The following MAGI1 variants were observed in gnomAD, a reference collection of about 807,000 sequenced individuals.
The protein encoded by MAGI1 is membrane-associated guanylate kinase, WW and PDZ domain-containing protein 1.
Under a neutral mutation model 139.9 loss-of-function variants are expected in MAGI1, and 58 were observed. The ratio of observed to expected loss-of-function variants is 0.41; its 90% CI spans 0.34 to 0.52. The LOEUF (loss-of-function observed/expected upper bound fraction) is 0.52, where lower values mean the gene tolerates loss of function less well. Among genes scored for constraint, MAGI1 ranks in the 20% least tolerant of loss-of-function variants. The pLI is 0.12. For missense variants in MAGI1, 1,874 were observed against 1,901.6 expected, an observed-to-expected ratio of 0.99 and a Z score of 0.27; for synonymous variants, 812 against 737.9, an observed-to-expected ratio of 1.10 and a Z score of -1.63.
At chr3:65,670,632 A>G (rs1321175130) in intron 1 of MAGI1, among the ~76,000 whole-genome samples, 1 of 152,158 alleles carries the variant, frequency 6.6e-6, no homozygotes, top group East Asian at 1.9e-4. Flanking sequence ...TTGCAAAGCT[A>G]ATGAACCACA....
intron 1 of MAGI1, among the ~76,000 whole-genome samples, chr3:66,018,740 T>C (rs2067805313): frequency 6.6e-6 from 1 of 152,222 alleles, no homozygotes; most frequent in African/African-American, 2.4e-5. Context: ...ACCTGAGCTC[T>C]GACTCTCACC....
chr3:65,549,549 G>A lies in MAGI1; in HGVS notation c.431-55918C>T. 5.6e-6 allele frequency: 5 copies of A among 899,152 alleles called. No individual in the cohort carries two copies. In the South Asian group the frequency reaches 2.5e-4, roughly 46 times the overall value. 55.7% of individuals were successfully genotyped at this position (899,152 alleles called of 1,614,324 possible). On this transcript the variant is annotated intron_variant, in intron 2 of 22. Coordinates refer to ENST00000402939, the MANE Select transcript of MAGI1 (RefSeq NM_001033057.2). ...CTTTTATGGGGCTCGCAGGCAGTAG[G>A]CTCGGCCAGGGTGTCCCCAGCCCGC...
chr3:65,527,907 AG>A (rs903984999), intron 2 of MAGI1, among the ~76,000 whole-genome samples: 1 of 149,546 alleles, frequency 6.7e-6, no homozygotes, highest in Non-Finnish European at 1.5e-5. Context: ...ACTCCATCTC[AG>A]GAAAAAAAAA....
At chr3:65,732,956 G>A (rs568303336) in intron 1 of MAGI1, among the ~76,000 whole-genome samples, 2 of 152,222 alleles carry the variant, frequency 1.3e-5, no homozygotes, top group Non-Finnish European at 2.9e-5. Flanking sequence ...GGAATCTCCT[G>A]CCCCATTAAT....
At chr3:65,755,698 T>C (rs1049498584) in intron 1 of MAGI1, among the ~76,000 whole-genome samples, 10 of 152,194 alleles carry the variant, frequency 6.6e-5, no homozygotes, top group African/African-American at 1.9e-4. Context: ...TATTTTCTCA[T>C]GTGAATAATG....
intron 2 of MAGI1, among the ~76,000 whole-genome samples, chr3:65,620,627 C>T (rs539145797): frequency 1.1e-4 from 17 of 152,184 alleles, no homozygotes; most frequent in Admixed American, 4.6e-4. Context: ...GAAATTACTA[C>T]GAGGTTATTA....
chr3:65,470,506 TGAGAGA>T, intron 4 of MAGI1, 22 bp from the exon 5 acceptor site: 4 of 1,351,546 alleles, frequency 3.0e-6, no homozygotes, highest in Admixed American at 2.1e-5. Context: ...TGTGAAGAGG[TGAGAGA>T]GAGAGAGAGA....
At chr3:65,484,067 G>A (rs1276209170) in intron 3 of MAGI1, among the ~76,000 whole-genome samples, 1 of 152,136 alleles carries the variant, frequency 6.6e-6, no homozygotes, top group Non-Finnish European at 1.5e-5. Context: ...AAATTGGACT[G>A]AAACACGATC....
intron 1 of MAGI1, among the ~76,000 whole-genome samples, chr3:65,950,074 A>AAAC (rs2063741490): frequency 1.6e-5 from 1 of 63,926 alleles, no homozygotes; most frequent in Non-Finnish European, 4.3e-5. Flanking sequence ...AAACAAAAAA[A>AAAC]AAACAAAAAA....
At chr3:65,593,617 T>C (rs58006558) in intron 2 of MAGI1, among the ~76,000 whole-genome samples, 3,159 of 152,324 alleles carry the variant, frequency 0.021, 81 homozygotes, top group African/African-American at 0.067. Context: ...TGTACTTTTT[T>C]GCATTGCTTT....
At chr3:65,902,399 G>A (rs1287363841) in intron 1 of MAGI1, among the ~76,000 whole-genome samples, 2 of 152,138 alleles carry the variant, frequency 1.3e-5, no homozygotes, top group South Asian at 2.1e-4. Context: ...AGTAAAATTC[G>A]CAGCAATTCA....
intron 1 of MAGI1, among the ~76,000 whole-genome samples, chr3:65,787,117 C>T (rs1242597916): frequency 6.6e-6 from 1 of 152,094 alleles, no homozygotes; most frequent in East Asian, 1.9e-4. Context: ...AAAACTGCCC[C>T]TATTTCCTCC....
At chr3:65,982,318 C>T (rs2065626027) in intron 1 of MAGI1, among the ~76,000 whole-genome samples, 1 of 152,200 alleles carries the variant, frequency 6.6e-6, no homozygotes, top group South Asian at 2.1e-4. Context: ...GACATTTGGG[C>T]ATGCCACATG....
chr3:65,989,966 T>G (rs1437331134), intron 1 of MAGI1, among the ~76,000 whole-genome samples: 2 of 152,178 alleles, frequency 1.3e-5, no homozygotes, highest in East Asian at 3.8e-4. Flanking sequence ...AGTAATTTGA[T>G]TGAAAGAAAA....
intron 1 of MAGI1, among the ~76,000 whole-genome samples, chr3:65,869,202 G>A (rs1172629261): frequency 1.4e-5 from 2 of 146,360 alleles, no homozygotes; most frequent in South Asian, 4.5e-4. Context: ...CTTGCAGTGA[G>A]CCGAGATCGC....
chr3:65,642,727 G>C (rs1375120963), intron 1 of MAGI1, among the ~76,000 whole-genome samples: 1 of 152,156 alleles, frequency 6.6e-6, no homozygotes, highest in Non-Finnish European at 1.5e-5. Flanking sequence ...TCTGGAAAGA[G>C]AAAATGTAGT....
chr3:65,779,573 C>A (rs563668960), intron 1 of MAGI1, among the ~76,000 whole-genome samples: 1 of 152,330 alleles, frequency 6.6e-6, no homozygotes, highest in East Asian at 1.9e-4. Context: ...AAGAATTGCA[C>A]AATCGCTTGA....
intron 1 of MAGI1, among the ~76,000 whole-genome samples, chr3:65,835,756 C>A (rs1398961173): frequency 6.6e-6 from 1 of 152,166 alleles, no homozygotes. Flanking sequence ...ACACTATTTA[C>A]AGACCATTAT....
intron 1 of MAGI1, among the ~76,000 whole-genome samples, chr3:65,634,297 A>G (rs1403294538): frequency 6.6e-6 from 1 of 152,174 alleles, no homozygotes; most frequent in African/African-American, 2.4e-5. Context: ...AAAAACCAAC[A>G]CATATTCTTT....
Sources: gnomAD v4.1 joint callset for allele counts (sites outside exome capture counted in the v4.1 genomes callset) on GRCh38, gnomAD v4.1.1 for gene constraint, MANE v1.5 for transcripts, NCBI Gene and HGNC (gene_info 2026-07-23, HGNC 2026-07-21) for gene names.